Variants in UBE2E2 observed in about 807,000 individuals in gnomAD.
UBE2E2 encodes the protein ubiquitin conjugating enzyme E2 E2.
A neutral mutation model predicts 24.7 loss-of-function variants in UBE2E2; 6 were observed. That is an observed-to-expected ratio of 0.24 (90% CI 0.13 to 0.48). The LOEUF (loss-of-function observed/expected upper bound fraction) is 0.48. UBE2E2 is among the 20% of genes least tolerant of loss of function. The pLI is 0.99. For missense variants in UBE2E2, 169 were observed against 245.0 expected (o/e 0.69, Z 2.07); for synonymous variants, 104 against 83.6 (o/e 1.24, Z -1.33).
At chr3:23,210,516 G>A (rs988504821) in intron 2 of UBE2E2, among the ~76,000 whole-genome samples, 4 of 152,190 alleles carry the variant, frequency 2.6e-5, no homozygotes, top group African/African-American at 7.2e-5. Flanking sequence ...GTGAACATGA[G>A]TTTTTCAAGT....
At chr3:23,257,444 G>A (rs1211411410) in intron 3 of UBE2E2, among the ~76,000 whole-genome samples, 1 of 133,638 alleles carries the variant, frequency 7.5e-6, no homozygotes, top group African/African-American at 2.7e-5. Flanking sequence ...ACTTAAGCAA[G>A]ATGAAGCTCC....
chr3:23,209,512 G>A (rs941612043), intron 2 of UBE2E2, among the ~76,000 whole-genome samples: 3 of 152,130 alleles, frequency 2.0e-5, no homozygotes, highest in African/African-American at 7.2e-5. Flanking sequence ...AATATCTCTT[G>A]GAAAATAATT....
intron 3 of UBE2E2, among the ~76,000 whole-genome samples, chr3:23,309,254 C>A (rs1015444869): frequency 6.6e-6 from 1 of 152,176 alleles, no homozygotes; most frequent in African/African-American, 2.4e-5. Context: ...CTCATAGACA[C>A]ACCCAGAAAC....
chr3:23,434,276 AG>A (rs1270016956), intron 3 of UBE2E2, among the ~76,000 whole-genome samples: 1 of 152,162 alleles, frequency 6.6e-6, no homozygotes, highest in African/African-American at 2.4e-5. Context: ...AGCAAAAAAA[AG>A]ATCTCAATGT....
chr3:23,209,719 C>T (rs899882142), intron 2 of UBE2E2, among the ~76,000 whole-genome samples: 1 of 152,120 alleles, frequency 6.6e-6, no homozygotes, highest in African/African-American at 2.4e-5. Context: ...GAACTCCTTT[C>T]TCAAAGATAA....
chr3:23,451,726 A>T (rs1406078300), intron 3 of UBE2E2, among the ~76,000 whole-genome samples: 1 of 152,222 alleles, frequency 6.6e-6, no homozygotes, highest in Non-Finnish European at 1.5e-5. Flanking sequence ...CTTGATTCTC[A>T]TACAATCGTT....
chr3:23,305,162 A>T (rs1039265884), intron 3 of UBE2E2, among the ~76,000 whole-genome samples: 1 of 152,266 alleles, frequency 6.6e-6, no homozygotes, highest in African/African-American at 2.4e-5. Flanking sequence ...ATTTTTTCCC[A>T]TGGGAAAGTC....
intron 3 of UBE2E2, among the ~76,000 whole-genome samples, chr3:23,409,010 A>G (rs888987260): frequency 7.0e-6 from 1 of 143,560 alleles, no homozygotes; most frequent in African/African-American, 2.4e-5. Context: ...GCAGATTATT[A>G]ATGATTATTA....
At chr3:23,302,307 A>G (rs1273877058) in intron 3 of UBE2E2, among the ~76,000 whole-genome samples, 2 of 152,198 alleles carry the variant, frequency 1.3e-5, no homozygotes, top group African/African-American at 4.8e-5. Context: ...CCCTTACCCT[A>G]TCCAACCATA....
chr3:23,276,819 A>G (rs1698383700), intron 3 of UBE2E2, among the ~76,000 whole-genome samples: 1 of 151,896 alleles, frequency 6.6e-6, no homozygotes, highest in African/African-American at 2.4e-5. Flanking sequence ...GTTGATTGTG[A>G]TTTGAGACTA....
intron 3 of UBE2E2, among the ~76,000 whole-genome samples, chr3:23,366,351 G>T (rs567014153): frequency 6.6e-6 from 1 of 152,094 alleles, no homozygotes; most frequent in Non-Finnish European, 1.5e-5. Flanking sequence ...CCACAAAGAC[G>T]CATGTGTGTG....
intron 3 of UBE2E2, among the ~76,000 whole-genome samples, chr3:23,468,983 T>C (rs990187170): frequency 4.4e-4 from 67 of 152,218 alleles, no homozygotes; most frequent in African/African-American, 1.5e-3. Flanking sequence ...GGACTTTAGT[T>C]AGCCAATCAC....
At chr3:23,537,236 G>A (rs1695287854) in intron 5 of UBE2E2, among the ~76,000 whole-genome samples, 1 of 152,096 alleles carries the variant, frequency 6.6e-6, no homozygotes, top group South Asian at 2.1e-4. Context: ...GACCAGCAGG[G>A]GCTTGCATTC....
chr3:23,253,812 G>C (rs759638473), intron 3 of UBE2E2, among the ~76,000 whole-genome samples: 7 of 152,166 alleles, frequency 4.6e-5, no homozygotes, highest in African/African-American at 1.2e-4. Context: ...GAAAGGACTA[G>C]ATTATATGTA....
chr3:23,231,591 C>A (rs1465648918), intron 3 of UBE2E2, among the ~76,000 whole-genome samples: 4 of 152,190 alleles, frequency 2.6e-5, no homozygotes, highest in African/African-American at 9.7e-5. Flanking sequence ...TCCACAAATT[C>A]AATTCTGACA....
chr3:23,382,041 A>G (rs998971187), intron 3 of UBE2E2, among the ~76,000 whole-genome samples: 8 of 152,182 alleles, frequency 5.3e-5, no homozygotes, highest in Non-Finnish European at 1.5e-5. Flanking sequence ...CCCACTTTTT[A>G]AAACAGTTGT....
At chr3:23,498,097 T>C (rs1021661751) in intron 3 of UBE2E2, among the ~76,000 whole-genome samples, 10 of 152,198 alleles carry the variant, frequency 6.6e-5, no homozygotes, top group Admixed American at 5.9e-4. Context: ...TTTTTGGAAA[T>C]GTCTATGTCT....
intron 4 of UBE2E2, among the ~76,000 whole-genome samples, chr3:23,530,441 T>C (rs1036411115): frequency 6.6e-6 from 1 of 152,234 alleles, no homozygotes; most frequent in African/African-American, 2.4e-5. Flanking sequence ...ACATTCAGAA[T>C]TGTTACTGTT....
At chr3:23,424,272 C>T (rs148820718) in intron 3 of UBE2E2, among the ~76,000 whole-genome samples, 116 of 152,138 alleles carry the variant, frequency 7.6e-4, no homozygotes, top group Middle Eastern at 3.4e-3. Flanking sequence ...AATGAAAATA[C>T]AGCAGAGACT....
Sources: allele counts gnomAD v4.1 joint callset (sites outside exome capture counted in the v4.1 genomes callset), GRCh38; gene constraint gnomAD v4.1.1; transcripts MANE v1.5; gene names NCBI Gene and HGNC (gene_info 2026-07-23, HGNC 2026-07-21).